The following JAM3 variants were observed in gnomAD, a reference collection of about 807,000 sequenced individuals.
JAM3 encodes junctional adhesion molecule C.
In JAM3, 31 loss-of-function variants were observed where a neutral mutation model predicts 39.4. The ratio of observed to expected loss-of-function variants is 0.79; its 90% CI spans 0.59 to 1.06. The LOEUF (loss-of-function observed/expected upper bound fraction) is 1.06. Among genes scored for constraint, JAM3 ranks in the 50% least tolerant of loss-of-function variants. The probability of loss-of-function intolerance (pLI) is 0.00; values close to 1 mark genes in which losing one functional copy is unlikely to be tolerated. For synonymous variants in JAM3, 182 were observed against 148.7 expected (o/e 1.22, Z -1.63); for missense variants, 455 against 391.4 (o/e 1.16, Z -1.37).
Position 134,149,802 on chromosome 11 carries a change from G to A in JAM3, c.*621G>A. On this transcript the variant is annotated 3_prime_UTR_variant, in exon 9 of 9. Coordinates refer to ENST00000299106, the MANE Select transcript of JAM3 (RefSeq NM_032801.5). ...AATTGGTTGCTGGAAGAGGGATCTT[G>A]CCTGAGGAACCCTGCTTGTCCAACA... is the stretch of plus-strand genomic sequence containing the variant. 2.5e-6 allele frequency: 1 copy of A among 398,170 alleles called. No individual in the cohort carries two copies. The allele number at this position is 398,170 out of a possible 1,614,324, so 24.7% of individuals were successfully genotyped here.
At chr11:134,135,621 C>T (rs1396878062) in intron 1 of JAM3, among the ~76,000 whole-genome samples, 5 of 151,726 alleles carry the variant, frequency 3.3e-5, no homozygotes, top group African/African-American at 1.2e-4. Flanking sequence ...CACTGTAACC[C>T]CCACCTCCTG....
intron 1 of JAM3, among the ~76,000 whole-genome samples, chr11:134,125,183 C>G (rs1371319344): frequency 6.6e-6 from 1 of 152,264 alleles, no homozygotes; most frequent in African/African-American, 2.4e-5. Context: ...GCCGCCGCCA[C>G]CGCCGCTGCA....
intron 1 of JAM3, among the ~76,000 whole-genome samples, chr11:134,073,117 A>G (rs1169775904): frequency 6.6e-6 from 1 of 152,154 alleles, no homozygotes; most frequent in Non-Finnish European, 1.5e-5. Flanking sequence ...CCACTGTGGT[A>G]CTCTATATGG....
At chr11:134,131,722 G>A (rs922950469) in intron 1 of JAM3, among the ~76,000 whole-genome samples, 10 of 152,080 alleles carry the variant, frequency 6.6e-5, no homozygotes, top group African/African-American at 1.4e-4. Context: ...AGTCCCTGAA[G>A]AAAAGGACAC....
intron 1 of JAM3, among the ~76,000 whole-genome samples, chr11:134,133,575 A>G (rs2120826588): frequency 6.6e-6 from 1 of 152,192 alleles, no homozygotes; most frequent in African/African-American, 2.4e-5. Context: ...CTTTATTAAT[A>G]TGTTGTAATA....
At chr11:134,113,648 A>T (rs1334875713) in intron 1 of JAM3, among the ~76,000 whole-genome samples, 1 of 152,180 alleles carries the variant, frequency 6.6e-6, no homozygotes, top group Non-Finnish European at 1.5e-5. Context: ...TGCCGCAATA[A>T]ACATCCGTGT....
chr11:134,112,889 A>T (rs921853681), intron 1 of JAM3, among the ~76,000 whole-genome samples: 2 of 152,198 alleles, frequency 1.3e-5, no homozygotes, highest in African/African-American at 4.8e-5. Flanking sequence ...ATCTTGTCTC[A>T]TTTGAGGTCT....
intron 1 of JAM3, among the ~76,000 whole-genome samples, chr11:134,123,477 G>A (rs1942576904): frequency 6.6e-6 from 1 of 152,140 alleles, no homozygotes; most frequent in African/African-American, 2.4e-5. Flanking sequence ...GTTCTGCACA[G>A]GCTAATGTTC....
At chr11:134,070,424 G>A (rs542728307) in intron 1 of JAM3, 20 of 355,120 alleles carry the variant, frequency 5.6e-5, no homozygotes, top group South Asian at 4.3e-4. Flanking sequence ...GGAAAACAAA[G>A]CATTCCTGTG....
rs1943163902 is a variant in JAM3, at chr11:134,149,912, T to C, written c.*731T>C. 1 of 175,744 alleles carries C rather than the reference T, an allele frequency of 5.7e-6. No homozygotes were observed. Among genetic ancestry groups the C allele is most frequent in the African/African-American group, 2.4e-5 (1 of 41,824 alleles). The allele number at this position is 175,744 out of a possible 1,614,324, so 10.9% of individuals were successfully genotyped here. ...ATGCTTTTCTATGGGTCTTGTTTAT[T>C]TTATAAAATTTTACATCTAAATTTT... On this transcript the variant is annotated 3_prime_UTR_variant, in exon 9 of 9. Coordinates refer to ENST00000299106, the MANE Select transcript of JAM3 (RefSeq NM_032801.5).
rs1185639996 is a variant in JAM3, at chr11:134,139,925, A to G, written c.142+9A>G. The G allele has an allele frequency of 6.2e-7, 1 of 1,606,538 alleles. No individual in the cohort carries two copies. Among genetic ancestry groups the G allele is most frequent in the Admixed American group, 1.7e-5 (1 of 60,014 alleles). On this transcript the variant is annotated intron_variant, in intron 2 of 8. Transcript: ENST00000299106. The stretch of plus-strand genomic sequence containing the variant: ...GGTACAGGAATTTGAAAGTAAGTAC[A>G]AACGAAATGCCTAGGATAATGGGCA...
At chr11:134,078,339 C>CA (rs1218307706) in intron 1 of JAM3, among the ~76,000 whole-genome samples, 1 of 151,870 alleles carries the variant, frequency 6.6e-6, no homozygotes, top group Non-Finnish European at 1.5e-5. Flanking sequence ...AGGCTAGTCT[C>CA]AAACTCCTGA....
At chr11:134,115,845 C>T (rs1281197544) in intron 1 of JAM3, among the ~76,000 whole-genome samples, 3 of 152,062 alleles carry the variant, frequency 2.0e-5, no homozygotes, top group Non-Finnish European at 4.4e-5. Context: ...TGCAGTAAGC[C>T]ATGATTGCGC....
intron 1 of JAM3, among the ~76,000 whole-genome samples, chr11:134,083,254 A>G (rs1340758091): frequency 6.6e-6 from 1 of 152,206 alleles, no homozygotes; most frequent in Non-Finnish European, 1.5e-5. Context: ...TTCCTCTGTC[A>G]TCTACCTCCG....
At chr11:134,144,197 A>G (rs745394448) in intron 3 of JAM3, 44 bp from the exon 4 acceptor site, 2 of 1,612,732 alleles carry the variant, frequency 1.2e-6, no homozygotes, top group Admixed American at 1.7e-5. Context: ...AGTGGCAAAG[A>G]TTTCTTTAAA....
chr11:134,103,853 C>G (rs1942127375), intron 1 of JAM3, among the ~76,000 whole-genome samples: 1 of 152,188 alleles, frequency 6.6e-6, no homozygotes, highest in South Asian at 2.1e-4. Context: ...CACCCAGATT[C>G]ATAAAGCAAG....
In JAM3 at chr11:134,140,668, T is replaced by C. The variant is rs1015604113; in HGVS notation, c.154T>C (p.Ser52Pro). The C allele has an allele frequency of 3.1e-6, 5 of 1,613,398 alleles. No individual in the cohort carries two copies. The highest frequency in any genetic ancestry group is 4.2e-6 in the Non-Finnish European group (5 of 1,179,596). The change falls in exon 3 of 9, where the codon TCT (serine) becomes CCT (proline). Residue 52 changes from serine (S) to proline (P), a missense_variant. Physicochemically the swap from Ser to Pro is moderately conservative, Grantham distance 74. Coordinates refer to ENST00000299106, the MANE Select transcript of JAM3 (RefSeq NM_032801.5). ...VVQEFESVEL[S>P]CIITDSQTSD... ...TCTTTGCGTGTTAGGTGTGGAACTG[T>C]CTTGCATCATTACGGATTCGCAGAC...
rs1454131518 is a variant in JAM3, at chr11:134,104,760, A to G, written c.77-35091A>G. On this transcript the variant is annotated intron_variant, in intron 1 of 8. Coordinates refer to ENST00000299106, the MANE Select transcript of JAM3 (RefSeq NM_032801.5). ...AAATAAACTAGAAAATCTAGAAGAA[A>G]TGGATAAATTCCTGGACACATACAC... Among the ~76,000 whole-genome samples the G allele has an allele frequency of 3.9e-5, 6 of 152,290 alleles. No individual in the cohort carries two copies. In the East Asian group the frequency reaches 1.2e-3, roughly 29 times the overall value.
chr11:134,136,172 A>T (rs1942862027), intron 1 of JAM3, among the ~76,000 whole-genome samples: 1 of 152,226 alleles, frequency 6.6e-6, no homozygotes, highest in South Asian at 2.1e-4. Context: ...ACAGCATTTG[A>T]CAAATTAGCA....
Sources: gnomAD v4.1 joint callset for allele counts (sites outside exome capture counted in the v4.1 genomes callset) on GRCh38, gnomAD v4.1.1 for gene constraint, MANE v1.5 for transcripts, NCBI Gene and HGNC (gene_info 2026-07-23, HGNC 2026-07-21) for gene names.